The following CTNNA2 variants were observed in gnomAD, a reference collection of about 807,000 sequenced individuals.
The protein encoded by CTNNA2 is catenin alpha 2, also known as catenin alpha-2.
In CTNNA2, 42 loss-of-function variants were observed where a neutral mutation model predicts 101.0. The ratio of observed to expected loss-of-function variants is 0.42; its 90% CI spans 0.32 to 0.54. The LOEUF (loss-of-function observed/expected upper bound fraction) is 0.54, where lower values mean the gene tolerates loss of function less well. Ranked by LOEUF, CTNNA2 falls within the 20% of genes least tolerant of loss-of-function variation. The probability of loss-of-function intolerance (pLI) is 0.14; values close to 1 mark genes in which losing one functional copy is unlikely to be tolerated. For synonymous variants in CTNNA2, 450 were observed against 456.4 expected (o/e 0.99, Z 0.18); for missense variants, 871 against 1,223.1 (o/e 0.71, Z 4.29).
intron 14 of CTNNA2, among the ~76,000 whole-genome samples, chr2:80,583,096 C>A (rs1004685230): frequency 1.1e-4 from 17 of 152,136 alleles, no homozygotes; most frequent in African/African-American, 4.1e-4. Flanking sequence ...AGCATTAGAA[C>A]CATGCTCAAA....
At chr2:79,522,675 T>A (rs1672182769) in intron 1 of CTNNA2, among the ~76,000 whole-genome samples, 1 of 152,116 alleles carries the variant, frequency 6.6e-6, no homozygotes, top group Admixed American at 6.5e-5. Context: ...ATGAGATCAA[T>A]GAGCACAGCA....
intron 10 of CTNNA2, 83 bp downstream of exon 10, chr2:80,545,157 T>G (rs1310736524): frequency 7.6e-7 from 1 of 1,317,686 alleles, no homozygotes; most frequent in Non-Finnish European, 1.1e-6. Context: ...TCCTTCTCTA[T>G]TTCCTCTTGC....
At chr2:79,262,604 TCATCAC>T (rs1204762040) in intron 2 of CTNNA2, among the ~76,000 whole-genome samples, 2 of 152,086 alleles carry the variant, frequency 1.3e-5, no homozygotes, top group Non-Finnish European at 2.9e-5. Context: ...GTGTCTCAGA[TCATCAC>T]CATCACCATC....
Position 79,830,785 on chromosome 2 carries a change from G to C in CTNNA2, c.299-27228G>C, listed in dbSNP as rs149077898. Among the ~76,000 whole-genome samples, 116 of 152,284 alleles carry C rather than the reference G, an allele frequency of 7.6e-4. 1 individual carries two copies. In the East Asian group the frequency reaches 0.019, roughly 25 times the overall value. On this transcript the variant is annotated intron_variant, in intron 3 of 18. Coordinates refer to ENST00000402739, the MANE Select transcript of CTNNA2 (RefSeq NM_001282597.3). The stretch of plus-strand genomic sequence containing the variant: ...GGAGGCTACAAATTAAATGCAACCT[G>C]CCCAGGTTCAATCCGATGCCCGTTT...
intron 8 of CTNNA2, among the ~76,000 whole-genome samples, chr2:80,395,654 G>A (rs915128969): frequency 3.9e-5 from 6 of 152,132 alleles, no homozygotes; most frequent in African/African-American, 1.4e-4. Context: ...GGTGTTACCT[G>A]GGTCTCTGAT....
chr2:79,974,086 CT>C (rs1338943434), intron 7 of CTNNA2, among the ~76,000 whole-genome samples: 1 of 152,014 alleles, frequency 6.6e-6, no homozygotes, highest in Non-Finnish European at 1.5e-5. Flanking sequence ...ATCTTCAACT[CT>C]TTTTGTCATT....
At chr2:80,228,748 C>T (rs1195038745) in intron 7 of CTNNA2, among the ~76,000 whole-genome samples, 1 of 152,126 alleles carries the variant, frequency 6.6e-6, no homozygotes, top group Non-Finnish European at 1.5e-5. Context: ...AAAAGAAGCA[C>T]ATAAGACAAA....
chr2:79,992,981 A>T (rs1048583015), intron 7 of CTNNA2, among the ~76,000 whole-genome samples: 1 of 152,094 alleles, frequency 6.6e-6, no homozygotes, highest in Non-Finnish European at 1.5e-5. Flanking sequence ...TTTTGCTTTC[A>T]TTACTTCTCC....
chr2:80,609,588 G>A (rs551457412), intron 17 of CTNNA2, among the ~76,000 whole-genome samples: 3 of 151,724 alleles, frequency 2.0e-5, no homozygotes, highest in Non-Finnish European at 3.0e-5. Flanking sequence ...AGATTCTCTC[G>A]CCAAGAAGTG....
intron 1 of CTNNA2, among the ~76,000 whole-genome samples, chr2:79,626,621 G>A (rs1379984760): frequency 3.4e-4 from 4 of 11,860 alleles, no homozygotes; most frequent in African/African-American, 1.1e-3. Context: ...GTGTGTGTAT[G>A]TGTGTGTGTG....
At chr2:79,554,510 C>A (rs1009271113) in intron 1 of CTNNA2, among the ~76,000 whole-genome samples, 5 of 152,112 alleles carry the variant, frequency 3.3e-5, no homozygotes, top group Non-Finnish European at 7.4e-5. Context: ...AGCTTATCTT[C>A]CAGTGGGACT....
rs1418443817 is a variant in CTNNA2, at chr2:80,529,274, A to C, written c.1291-15708A>C. 5.9e-5 allele frequency among the ~76,000 whole-genome samples: 9 copies of C among 152,126 alleles called. No individual in the cohort carries two copies. In the East Asian group the frequency reaches 1.7e-3, roughly 29 times the overall value. ...TTTAACCGCCCTTTATAAGTGTAAA[A>C]CCATTCTTAGCTTTAAAACCATACA... On this transcript the variant is annotated intron_variant, in intron 9 of 18. Coordinates refer to ENST00000402739, the MANE Select transcript of CTNNA2 (RefSeq NM_001282597.3).
chr2:79,745,818 G>A (rs1327618129), intron 3 of CTNNA2, among the ~76,000 whole-genome samples: 1 of 152,090 alleles, frequency 6.6e-6, no homozygotes, highest in Non-Finnish European at 1.5e-5. Flanking sequence ...CGGATGTTTG[G>A]GTTGCTTCCA....
At chr2:79,755,818 A>G (rs920773237) in intron 3 of CTNNA2, among the ~76,000 whole-genome samples, 7 of 152,212 alleles carry the variant, frequency 4.6e-5, no homozygotes, top group Non-Finnish European at 7.3e-5. Context: ...GAATGAAATC[A>G]ATTCTCAGAA....
chr2:80,471,138 T>A (rs969384757), intron 9 of CTNNA2, among the ~76,000 whole-genome samples: 1 of 152,162 alleles, frequency 6.6e-6, no homozygotes, highest in African/African-American at 2.4e-5. Context: ...AAGCACAGTA[T>A]GATTTATATT....
intron 1 of CTNNA2, among the ~76,000 whole-genome samples, chr2:79,196,603 G>T (rs529274395): frequency 1.3e-5 from 2 of 152,182 alleles, no homozygotes; most frequent in South Asian, 2.1e-4. Flanking sequence ...TTGCCCAGGG[G>T]TACCTTATAC....
At chr2:80,232,047 T>C (rs1035462382) in intron 7 of CTNNA2, among the ~76,000 whole-genome samples, 1 of 152,162 alleles carries the variant, frequency 6.6e-6, no homozygotes, top group Non-Finnish European at 1.5e-5. Flanking sequence ...ATAACTTAAC[T>C]CTTTCAACCA....
intron 7 of CTNNA2, among the ~76,000 whole-genome samples, chr2:80,281,827 T>C (rs1314331448): frequency 6.6e-6 from 1 of 152,230 alleles, no homozygotes; most frequent in East Asian, 1.9e-4. Context: ...TTTTAAAATA[T>C]TCTCTAGTAT....
intron 3 of CTNNA2, among the ~76,000 whole-genome samples, chr2:79,841,075 C>T (rs545854227): frequency 7.9e-5 from 12 of 152,080 alleles, no homozygotes; most frequent in Non-Finnish European, 1.8e-4. Flanking sequence ...TGCCGAGACT[C>T]CCTCTCTTAT....
Sources: gnomAD v4.1 joint callset for allele counts (sites outside exome capture counted in the v4.1 genomes callset) on GRCh38, gnomAD v4.1.1 for gene constraint, MANE v1.5 for transcripts, NCBI Gene and HGNC (gene_info 2026-07-23, HGNC 2026-07-21) for gene names.